The following DNM3 variants were observed in gnomAD, a reference collection of about 807,000 sequenced individuals.
DNM3 encodes the protein dynamin 3, also known as dynamin-3.
A neutral mutation model predicts 101.6 loss-of-function variants in DNM3; 47 were observed. The observed-to-expected ratio is 0.46, with a 90% CI of 0.37 to 0.59. The LOEUF (loss-of-function observed/expected upper bound fraction) is 0.59, where lower values mean the gene tolerates loss of function less well. DNM3 is among the 20% of genes least tolerant of loss of function. The pLI, the probability that DNM3 is intolerant of heterozygous loss-of-function variation, is 0.00. For missense variants in DNM3, 849 were observed against 1,085.7 expected (o/e 0.78, Z 3.06); for synonymous variants, 385 against 387.9 (o/e 0.99, Z 0.09).
intron 20 of DNM3, among the ~76,000 whole-genome samples, chr1:172,405,667 A>T (rs1047505243): frequency 6.6e-6 from 1 of 151,986 alleles, no homozygotes; most frequent in African/African-American, 2.4e-5. Flanking sequence ...CTTCTGGTAG[A>T]ATTTCCCTCC....
At chr1:172,194,515 A>C (rs1040172152) in intron 14 of DNM3, among the ~76,000 whole-genome samples, 5 of 152,086 alleles carry the variant, frequency 3.3e-5, no homozygotes, top group South Asian at 2.1e-4. Flanking sequence ...TTAGGTCTCT[A>C]AGGACTTGCT....
At chr1:172,038,093 T>A (rs1416290424) in intron 6 of DNM3, among the ~76,000 whole-genome samples, 1 of 152,156 alleles carries the variant, frequency 6.6e-6, no homozygotes, top group Non-Finnish European at 1.5e-5. Flanking sequence ...CTCAAGTGAG[T>A]GACTCTAAAT....
chr1:172,218,321 T>C (rs2060778814), intron 14 of DNM3, among the ~76,000 whole-genome samples: 1 of 152,108 alleles, frequency 6.6e-6, no homozygotes, highest in South Asian at 2.1e-4. Context: ...TGGTTTGGGT[T>C]TGGATTATGT....
At chr1:172,136,948 AG>A (rs1486221697) in intron 14 of DNM3, 5 of 152,160 alleles carry the variant, frequency 3.3e-5, no homozygotes, top group Non-Finnish European at 5.9e-5. Context: ...TTAACAAAAA[AG>A]GTGTTAACTT....
At chr1:172,088,522 C>A (rs950754061) in intron 12 of DNM3, among the ~76,000 whole-genome samples, 1 of 152,130 alleles carries the variant, frequency 6.6e-6, no homozygotes, top group Non-Finnish European at 1.5e-5. Flanking sequence ...TAACTGGCCC[C>A]AACGTACAGT....
chr1:172,416,849 G>GC (rs2071445932), downstream of DNM3, among the ~76,000 whole-genome samples: 1 of 152,092 alleles, frequency 6.6e-6, no homozygotes, highest in African/African-American at 2.4e-5. Flanking sequence ...AGACCCCCTA[G>GC]CCCCTGCCCC....
intron 15 of DNM3, among the ~76,000 whole-genome samples, chr1:172,304,406 A>G (rs1301214616): frequency 1.3e-5 from 2 of 152,022 alleles, no homozygotes; most frequent in African/African-American, 4.8e-5. Flanking sequence ...AGAGACCTAC[A>G]AAGAGACTTA....
In DNM3 at chr1:172,410,872, G is replaced by A; in HGVS notation, c.*3031G>A. The A allele has an allele frequency of 1.0e-6, 1 of 985,196 alleles. No individual in the cohort carries two copies. Among genetic ancestry groups the A allele is most frequent in the Non-Finnish European group, 1.2e-6 (1 of 829,800 alleles). The allele number at this position is 985,196 out of a possible 1,614,324, so 61.0% of individuals were successfully genotyped here. ...GACTGTAGCCATAATTCTCAAATAT[G>A]AAATGGGACCTAATACCAGTATGTG... On this transcript the variant is annotated 3_prime_UTR_variant, in exon 21 of 21. Coordinates refer to ENST00000627582, the MANE Select transcript of DNM3 (RefSeq NM_015569.5).
At chr1:172,318,581 T>C (rs1429378632) in intron 16 of DNM3, among the ~76,000 whole-genome samples, 5 of 152,232 alleles carry the variant, frequency 3.3e-5, no homozygotes, top group South Asian at 4.1e-4. Flanking sequence ...CAAGCATTCT[T>C]ATACACCAAT....
intron 12 of DNM3, among the ~76,000 whole-genome samples, chr1:172,088,525 C>T (rs1274955834): frequency 2.0e-5 from 3 of 152,090 alleles, no homozygotes; most frequent in South Asian, 2.1e-4. Flanking sequence ...CTGGCCCCAA[C>T]GTACAGTTAT....
At chr1:171,893,945 T>C (rs1254325545) in intron 1 of DNM3, among the ~76,000 whole-genome samples, 2 of 152,190 alleles carry the variant, frequency 1.3e-5, no homozygotes, top group African/African-American at 2.4e-5. Context: ...TGCCTCAGCC[T>C]CCTGAGTAGT....
At chr1:172,332,961 T>G (rs2066254030) in intron 17 of DNM3, among the ~76,000 whole-genome samples, 1 of 152,128 alleles carries the variant, frequency 6.6e-6, no homozygotes. Flanking sequence ...TTGTTACGTA[T>G]TTAAAATCTT....
At chr1:171,843,696 G>A (rs948760633) in intron 1 of DNM3, among the ~76,000 whole-genome samples, 3 of 151,974 alleles carry the variant, frequency 2.0e-5, no homozygotes, top group Non-Finnish European at 4.4e-5. Context: ...CTACATTCTA[G>A]GTTTTGAAAT....
chr1:172,263,388 G>C (rs1029177161), intron 15 of DNM3, among the ~76,000 whole-genome samples: 1 of 152,128 alleles, frequency 6.6e-6, no homozygotes, highest in Non-Finnish European at 1.5e-5. Flanking sequence ...AATTTATTCT[G>C]TTATGCATTC....
chr1:172,042,772 G>C (rs147127150), intron 8 of DNM3, among the ~76,000 whole-genome samples: 1 of 152,170 alleles, frequency 6.6e-6, no homozygotes, highest in Non-Finnish European at 1.5e-5. Flanking sequence ...AGTGAATTCA[G>C]AGAGGGAGGA....
intron 14 of DNM3, among the ~76,000 whole-genome samples, chr1:172,239,225 T>A (rs1361658816): frequency 6.6e-6 from 1 of 152,228 alleles, no homozygotes; most frequent in Non-Finnish European, 1.5e-5. Flanking sequence ...GTTCAATGTG[T>A]GTTTCTCTAC....
At chr1:172,035,179 C>T (rs1012323176) in intron 6 of DNM3, among the ~76,000 whole-genome samples, 2 of 152,092 alleles carry the variant, frequency 1.3e-5, no homozygotes, top group African/African-American at 4.8e-5. Context: ...GGTTACGTCT[C>T]AGGTTTCCAG....
intron 1 of DNM3, among the ~76,000 whole-genome samples, chr1:171,883,729 C>T (rs2036526658): frequency 6.6e-6 from 1 of 152,164 alleles, no homozygotes; most frequent in South Asian, 2.1e-4. Context: ...CTCGGCCTCC[C>T]AAAGTGCTGG....
At chr1:172,347,780 CA>C (rs891371888) in intron 17 of DNM3, among the ~76,000 whole-genome samples, 22 of 152,234 alleles carry the variant, frequency 1.4e-4, no homozygotes, top group African/African-American at 5.3e-4. Flanking sequence ...ACGTTCATAA[CA>C]GCACTGTTTG....
Sources: gnomAD v4.1 joint callset for allele counts (sites outside exome capture counted in the v4.1 genomes callset) on GRCh38, gnomAD v4.1.1 for gene constraint, MANE v1.5 for transcripts, NCBI Gene and HGNC (gene_info 2026-07-23, HGNC 2026-07-21) for gene names.